CWC27: variants seen among roughly 807,000 people sequenced by gnomAD.
CWC27 encodes the protein spliceosome-associated protein CWC27 homolog.
A neutral mutation model predicts 63.6 loss-of-function variants in CWC27; 47 were observed. The observed-to-expected ratio is 0.74, with a 90% CI of 0.58 to 0.94. CWC27 has a LOEUF of 0.94. CWC27 is among the 40% of genes least tolerant of loss of function. The probability of loss-of-function intolerance (pLI) is 0.00; values close to 1 mark genes in which losing one functional copy is unlikely to be tolerated. For synonymous variants in CWC27, 175 were observed against 179.8 expected, an observed-to-expected ratio of 0.97 and a Z score of 0.22; for missense variants, 495 against 554.3, an observed-to-expected ratio of 0.89 and a Z score of 1.07.
chr5:64,826,383 C>T (rs1049182589), intron 10 of CWC27, among the ~76,000 whole-genome samples: 1 of 152,072 alleles, frequency 6.6e-6, no homozygotes, highest in African/African-American at 2.4e-5. Flanking sequence ...AGTTATTTGA[C>T]ATTTATTGAG....
chr5:64,978,610 T>G (rs1248248704), intron 13 of CWC27, among the ~76,000 whole-genome samples: 14 of 151,232 alleles, frequency 9.3e-5, no homozygotes, highest in Admixed American at 2.6e-4. Context: ...TTTGGGTTTT[T>G]TTTTTTTTTT....
intron 13 of CWC27, among the ~76,000 whole-genome samples, chr5:64,981,262 A>G (rs1432907989): frequency 6.6e-6 from 1 of 152,220 alleles, no homozygotes; most frequent in Admixed American, 6.5e-5. Context: ...GTATATTTTT[A>G]TACATGTTAA....
chr5:64,935,058 G>C (rs1277837731), intron 11 of CWC27, among the ~76,000 whole-genome samples: 1 of 152,156 alleles, frequency 6.6e-6, no homozygotes, highest in Non-Finnish European at 1.5e-5. Context: ...TAGGTTGCCT[G>C]TTCACTCTGA....
intron 11 of CWC27, among the ~76,000 whole-genome samples, chr5:64,950,862 A>C (rs1748692271): frequency 6.6e-6 from 1 of 151,908 alleles, no homozygotes; most frequent in South Asian, 2.1e-4. Flanking sequence ...TATTTTCAGA[A>C]TTTCATGTGA....
chr5:64,976,004 G>A (rs1749222070), intron 12 of CWC27, among the ~76,000 whole-genome samples: 1 of 152,080 alleles, frequency 6.6e-6, no homozygotes, highest in Non-Finnish European at 1.5e-5. Context: ...GGAGGCGGAG[G>A]TTGCAGTGAG....
At chr5:65,004,378 CT>C (rs70983659) in intron 13 of CWC27, among the ~76,000 whole-genome samples, 34,391 of 78,722 alleles carry the variant, frequency 0.44, 5,190 homozygotes, top group Middle Eastern at 0.62. Flanking sequence ...GTTGTATAGG[CT>C]TTTTTTTTTT....
At chr5:64,872,107 G>T (rs556390264) in intron 10 of CWC27, among the ~76,000 whole-genome samples, 1 of 152,228 alleles carries the variant, frequency 6.6e-6, no homozygotes, top group South Asian at 2.1e-4. Flanking sequence ...CATCAGTATT[G>T]AGAGTTCAGA....
At position 64,789,161 on chromosome 5, in the gene CWC27, T is replaced by C. The variant is rs572974886; in HGVS notation, c.669+141T>C. The C allele has an allele frequency of 2.0e-3, 940 of 464,590 alleles. 1 individual carries two copies. The highest frequency in any genetic ancestry group is 3.0e-3 in the Non-Finnish European group (792 of 260,748). The allele number at this position is 464,590 out of a possible 1,614,324, so 28.8% of individuals were successfully genotyped here. On this transcript the variant is annotated intron_variant, in intron 7 of 13. Coordinates refer to ENST00000381070, the MANE Select transcript of CWC27 (RefSeq NM_005869.4). ...AGTAAGTGTTCATTGAATTTGTAAA[T>C]TGATTTGTGGTCAGTAATATTTGCA... is the stretch of plus-strand genomic sequence containing the variant.
At chr5:64,859,362 G>A (rs1010787915) in intron 10 of CWC27, among the ~76,000 whole-genome samples, 1 of 152,104 alleles carries the variant, frequency 6.6e-6, no homozygotes, top group South Asian at 2.1e-4. Context: ...GGTTAGACAG[G>A]TGTATCCATC....
intron 11 of CWC27, among the ~76,000 whole-genome samples, chr5:64,891,858 G>A (rs10070625): frequency 1.3e-5 from 2 of 151,676 alleles, no homozygotes; most frequent in East Asian, 1.9e-4. Flanking sequence ...GCAGTGGTGC[G>A]ATCTCAGCTC....
intron 9 of CWC27, among the ~76,000 whole-genome samples, chr5:64,802,010 A>G (rs1744505991): frequency 6.6e-6 from 1 of 152,212 alleles, no homozygotes; most frequent in Non-Finnish European, 1.5e-5. Context: ...TAGTAGATAG[A>G]GAGAGGATGA....
chr5:65,006,516 C>A (rs148547755), intron 13 of CWC27, among the ~76,000 whole-genome samples: 82 of 152,068 alleles, frequency 5.4e-4, no homozygotes, highest in African/African-American at 2.0e-3. Flanking sequence ...TTATTAAAAT[C>A]TTTATGTAAA....
In CWC27 at chr5:64,822,952, T is replaced by C. The variant is rs538061127; in HGVS notation, c.938+18566T>C. On this transcript the variant is annotated intron_variant, in intron 10 of 13. Coordinates refer to ENST00000381070, the MANE Select transcript of CWC27 (RefSeq NM_005869.4). The stretch of plus-strand genomic sequence containing the variant: ...TACATAGCACGATTAAAACAAATTT[T>C]ATTTCTAGCACTAGGCTAGAATTTA... Among the ~76,000 whole-genome samples the C allele has an allele frequency of 9.2e-5, 14 of 152,352 alleles. No homozygotes were observed. In the East Asian group the frequency reaches 2.5e-3, roughly 27 times the overall value.
chr5:64,982,489 A>AT (rs78186731), intron 13 of CWC27, among the ~76,000 whole-genome samples: 154 of 144,128 alleles, frequency 1.1e-3, no homozygotes, highest in African/African-American at 2.7e-3. Context: ...TACTCGGCTA[A>AT]TTTTTTTTTT....
chr5:64,958,417 G>T (rs546268688), intron 11 of CWC27, among the ~76,000 whole-genome samples: 2 of 152,204 alleles, frequency 1.3e-5, no homozygotes, highest in East Asian at 3.9e-4. Flanking sequence ...TCTGTAAAAT[G>T]AGCAGGTTGC....
intron 10 of CWC27, among the ~76,000 whole-genome samples, chr5:64,848,708 A>C (rs566935572): frequency 6.6e-6 from 1 of 152,228 alleles, no homozygotes; most frequent in Non-Finnish European, 1.5e-5. Flanking sequence ...AATGTGGTAC[A>C]TCACATTAAC....
rs1750087249 is a variant in CWC27 at position 65,018,344 on chromosome 5, A to G, written c.*23A>G. ...TAAAATGAGAATAATGATAACCAGA[A>G]CTTGCTGGAAATGTGCCTACAATGG... On this transcript the variant is annotated 3_prime_UTR_variant, in exon 14 of 14. Coordinates refer to ENST00000381070, the MANE Select transcript of CWC27 (RefSeq NM_005869.4). 1 of 1,568,260 alleles carries G rather than the reference A, an allele frequency of 6.4e-7. No homozygotes were observed. The highest frequency in any genetic ancestry group is 1.9e-5 in the Admixed American group (1 of 52,210).
chr5:64,783,763 C>A, intron 3 of CWC27, 73 bp from the exon 4 acceptor site: 2 of 1,266,896 alleles, frequency 1.6e-6, no homozygotes, highest in African/African-American at 1.5e-5. Flanking sequence ...TGGGACCTTG[C>A]AGGTCAAGTT....
intron 10 of CWC27, among the ~76,000 whole-genome samples, chr5:64,882,211 T>C (rs993705074): frequency 5.9e-5 from 9 of 152,164 alleles, no homozygotes. Flanking sequence ...TCAACACTGA[T>C]TCAATGAAAG....
Sources: allele counts gnomAD v4.1 joint callset (sites outside exome capture counted in the v4.1 genomes callset), GRCh38; gene constraint gnomAD v4.1.1; transcripts MANE v1.5; gene names NCBI Gene and HGNC (gene_info 2026-07-23, HGNC 2026-07-21).